Variants in SPIDR observed in about 807,000 individuals in gnomAD.
The protein encoded by SPIDR is scaffold protein involved in DNA repair.
SPIDR carries 93 observed loss-of-function variants against 104.6 expected under a neutral mutation model. That is an observed-to-expected ratio of 0.89 (90% CI 0.75 to 1.06). The LOEUF is 1.06. Ranked by LOEUF, SPIDR falls within the 50% of genes least tolerant of loss-of-function variation. SPIDR has a pLI of 0.00. For synonymous variants in SPIDR, 431 were observed against 416.9 expected (o/e 1.03, Z -0.41); for missense variants, 1,154 against 1,111.2 (o/e 1.04, Z -0.55).
At chr8:47,504,579 A>G (rs553694291) in intron 8 of SPIDR, among the ~76,000 whole-genome samples, 13 of 152,190 alleles carry the variant, frequency 8.5e-5, no homozygotes, top group South Asian at 2.1e-4. Context: ...CATGGGTGCA[A>G]ACTTCCTCCT....
chr8:47,408,877 A>G (rs913352892), intron 7 of SPIDR, among the ~76,000 whole-genome samples: 7 of 152,196 alleles, frequency 4.6e-5, no homozygotes, highest in Admixed American at 3.3e-4. Context: ...AGTCTCATTT[A>G]CAATAACATC....
intron 14 of SPIDR, among the ~76,000 whole-genome samples, chr8:47,702,390 G>A (rs1213203912): frequency 6.6e-6 from 1 of 152,132 alleles, no homozygotes; most frequent in Non-Finnish European, 1.5e-5. Flanking sequence ...GTTGAAGAAA[G>A]GAAAGAGATG....
At chr8:47,579,934 T>A (rs2059542962) in intron 8 of SPIDR, among the ~76,000 whole-genome samples, 1 of 152,268 alleles carries the variant, frequency 6.6e-6, no homozygotes, top group African/African-American at 2.4e-5. Flanking sequence ...GAGAACAGAC[T>A]GGCTTTGAAG....
At chr8:47,465,731 A>C (rs1211460273) in intron 8 of SPIDR, among the ~76,000 whole-genome samples, 1 of 152,084 alleles carries the variant, frequency 6.6e-6, no homozygotes, top group African/African-American at 2.4e-5. Flanking sequence ...GCAAGACTCC[A>C]TCAAAAAAAA....
At chr8:47,507,045 T>C (rs905907263) in intron 8 of SPIDR, among the ~76,000 whole-genome samples, 1 of 152,224 alleles carries the variant, frequency 6.6e-6, no homozygotes, top group Non-Finnish European at 1.5e-5. Context: ...TGATTTATCA[T>C]GTCCACCTGG....
chr8:47,375,639 A>AT (rs1261536453), intron 5 of SPIDR, among the ~76,000 whole-genome samples: 2 of 152,042 alleles, frequency 1.3e-5, no homozygotes, highest in African/African-American at 2.4e-5. Flanking sequence ...TACTAGAAAA[A>AT]TTTTTTTAAA....
At chr8:47,406,541 T>TA (rs1441326671) in intron 6 of SPIDR, among the ~76,000 whole-genome samples, 2 of 152,192 alleles carry the variant, frequency 1.3e-5, no homozygotes, top group Non-Finnish European at 1.5e-5. Context: ...TTTTTTCTGT[T>TA]ACATGTACTA....
At chr8:47,684,475 T>C (rs2077498547) in intron 11 of SPIDR, among the ~76,000 whole-genome samples, 1 of 152,192 alleles carries the variant, frequency 6.6e-6, no homozygotes, top group African/African-American at 2.4e-5. Context: ...ATGTCTTGGT[T>C]AATACATTGG....
intron 14 of SPIDR, among the ~76,000 whole-genome samples, chr8:47,703,492 C>T (rs2080627984): frequency 6.6e-6 from 1 of 152,190 alleles, no homozygotes; most frequent in Admixed American, 6.5e-5. Flanking sequence ...ATATTTTAGG[C>T]TTCTTGGGTT....
In SPIDR at chr8:47,279,897, TC is replaced by T; in HGVS notation, c.71del (p.Pro24GlnfsTer42). ...RSWNTECPSF[P>X]GERPLQVRRA... ...GTTGGAATACAGAATGCCCATCCTTTCCAGGAGAAAGACCACTGCAGGTCAG... is the reference window on the plus strand; with the variant it reads ...GTTGGAATACAGAATGCCCATCCTTTCAGGAGAAAGACCACTGCAGGTCAG... On this transcript the variant is annotated frameshift_variant, in exon 2 of 20. Coordinates refer to ENST00000297423, the MANE Select transcript of SPIDR (RefSeq NM_001080394.4). LOFTEE classifies it high-confidence loss of function. 6.2e-7 allele frequency: 1 copy of T among 1,613,844 alleles called. No homozygotes were observed. Among genetic ancestry groups the T allele is most frequent in the Non-Finnish European group, 8.5e-7 (1 of 1,179,846 alleles).
At chr8:47,401,679 C>T (rs1211344037) in intron 6 of SPIDR, among the ~76,000 whole-genome samples, 39 of 152,270 alleles carry the variant, frequency 2.6e-4, no homozygotes, top group African/African-American at 8.4e-4. Context: ...GCAGGGGTTG[C>T]AATCCTTGTC....
At chr8:47,567,640 G>A (rs1419150415) in intron 8 of SPIDR, among the ~76,000 whole-genome samples, 1 of 152,078 alleles carries the variant, frequency 6.6e-6, no homozygotes, top group Non-Finnish European at 1.5e-5. Flanking sequence ...AGAGAAGTGA[G>A]GTTAGTATGG....
chr8:47,444,809 C>T (rs2070241878), intron 8 of SPIDR, among the ~76,000 whole-genome samples: 2 of 152,156 alleles, frequency 1.3e-5, no homozygotes, highest in South Asian at 4.1e-4. Flanking sequence ...ACACCACACT[C>T]AACATTTTTT....
chr8:47,394,757 T>G (rs1337947139), intron 5 of SPIDR, among the ~76,000 whole-genome samples: 2 of 152,188 alleles, frequency 1.3e-5, no homozygotes, highest in Non-Finnish European at 2.9e-5. Context: ...GGTTTTAGTG[T>G]CAGCTTCATT....
chr8:47,351,724 C>T (rs2053537270), intron 5 of SPIDR, among the ~76,000 whole-genome samples: 1 of 152,136 alleles, frequency 6.6e-6, no homozygotes, highest in South Asian at 2.1e-4. Flanking sequence ...TTGAGTACTA[C>T]ACTGAATGAA....
At chr8:47,346,957 G>C (rs1470892545) in intron 5 of SPIDR, among the ~76,000 whole-genome samples, 1 of 152,038 alleles carries the variant, frequency 6.6e-6, no homozygotes. Context: ...GTCTCCTTCA[G>C]TTCTGCTCTG....
intron 1 of SPIDR, among the ~76,000 whole-genome samples, chr8:47,274,848 A>G (rs1407665430): frequency 6.7e-6 from 1 of 150,288 alleles, no homozygotes; most frequent in African/African-American, 2.4e-5. Context: ...TGCTGGGATT[A>G]CAGGCATGAG....
At chr8:47,344,159 C>T (rs1242410830) in intron 5 of SPIDR, among the ~76,000 whole-genome samples, 5 of 148,792 alleles carry the variant, frequency 3.4e-5, no homozygotes, top group Non-Finnish European at 5.9e-5. Context: ...TGATATTCCC[C>T]ACGCTGTGTC....
chr8:47,641,355 T>A lies in SPIDR; in HGVS notation c.1545-32446T>A, dbSNP rs76864854. Among the ~76,000 whole-genome samples, 962 of 152,202 alleles carry A rather than the reference T, an allele frequency of 6.3e-3. 4 individuals carry two copies. Among genetic ancestry groups the A allele is most frequent in the Non-Finnish European group, 0.011 (754 of 68,024 alleles). The stretch of plus-strand genomic sequence containing the variant: ...AATCAATTTTGACTTTTCTCTGTAC[T>A]ACTTGCTATATCCAAGCATGAACTT... On this transcript the variant is annotated intron_variant, in intron 10 of 19. Coordinates refer to ENST00000297423, the MANE Select transcript of SPIDR (RefSeq NM_001080394.4).
Sources: allele counts gnomAD v4.1 joint callset (sites outside exome capture counted in the v4.1 genomes callset), GRCh38; gene constraint gnomAD v4.1.1; transcripts MANE v1.5; gene names NCBI Gene and HGNC (gene_info 2026-07-23, HGNC 2026-07-21).